SIN3A: variants seen among roughly 807,000 people sequenced by gnomAD.
SIN3A encodes the protein paired amphipathic helix protein Sin3a.
In SIN3A, 14 loss-of-function variants were observed where a neutral mutation model predicts 146.1. The ratio of observed to expected loss-of-function variants is 0.10; its 90% CI spans 0.06 to 0.15. The LOEUF is 0.15. Ranked by LOEUF, SIN3A falls within the 10% of genes least tolerant of loss-of-function variation. The pLI is 1.00. For synonymous variants in SIN3A, 572 were observed against 572.0 expected (o/e 1.00, Z 0.00); for missense variants, 1,028 against 1,576.0 (o/e 0.65, Z 5.89).
intron 1 of SIN3A, among the ~76,000 whole-genome samples, chr15:75,445,289 G>A (rs1200218982): frequency 6.0e-5 from 9 of 148,850 alleles, no homozygotes; most frequent in Admixed American, 1.4e-4. Flanking sequence ...GCTGAGACAG[G>A]AGAACTGCTT....
intron 2 of SIN3A, among the ~76,000 whole-genome samples, chr15:75,429,602 T>G (rs775540888): frequency 1.3e-5 from 2 of 152,210 alleles, no homozygotes; most frequent in Non-Finnish European, 2.9e-5. Flanking sequence ...TGATTTAAAT[T>G]CTGGCACAAG....
chr15:75,392,623 G>A lies in SIN3A; in HGVS notation c.2470C>T (p.Leu824Phe). 1 of 1,614,146 alleles carries A rather than the reference G, an allele frequency of 6.2e-7. No homozygotes were observed. The highest frequency in any genetic ancestry group is 1.1e-5 in the South Asian group (1 of 91,086). The change falls in exon 15 of 21, where the codon CTC (leucine) becomes TTC (phenylalanine). Residue 824 changes from leucine (L) to phenylalanine (F), a missense_variant. Physicochemically the swap from Leu to Phe is conservative, Grantham distance 22. Coordinates refer to ENST00000394947, the MANE Select transcript of SIN3A (RefSeq NM_001145358.2). ...GAGAGATCACCTCTTTGGGCAAAGA[G>A]CAAATCTGGAATAAAATGATGCATG... is the stretch of plus-strand genomic sequence containing the variant. ...QIMHHFIPDL[L>F]FAQRGDLSDV...
chr15:75,437,632 C>CA (rs1423132693), intron 1 of SIN3A, among the ~76,000 whole-genome samples: 1 of 152,120 alleles, frequency 6.6e-6, no homozygotes, highest in Non-Finnish European at 1.5e-5. Context: ...CAGAGGGGTA[C>CA]AGTGTAATTC....
intron 8 of SIN3A, among the ~76,000 whole-genome samples, chr15:75,407,819 G>A (rs1290588838): frequency 1.4e-5 from 2 of 144,814 alleles, no homozygotes; most frequent in East Asian, 2.1e-4. Flanking sequence ...CTTGAACCCA[G>A]GAGGTGGAGG....
chr15:75,380,680 G>A lies in SIN3A; in HGVS notation c.3332C>T (p.Thr1111Ile), dbSNP rs2072947643. The change falls in exon 19 of 21, where the codon ACC becomes ATC. Residue 1111 changes from threonine to isoleucine, a missense_variant. By Grantham distance (89) the Thr-to-Ile change is moderately conservative. Coordinates refer to ENST00000394947, the MANE Select transcript of SIN3A (RefSeq NM_001145358.2). ...YVERYMNSDT[T>I]SPELREHLAQ... Reference sequence around the variant, plus strand: ...TAGATGTTCACGAAGCTCAGGCGAGGTAGTATCTGAATTCATGTATCGCTC... The same window carrying A: ...TAGATGTTCACGAAGCTCAGGCGAGATAGTATCTGAATTCATGTATCGCTC... 6.2e-7 allele frequency: 1 copy of A among 1,614,066 alleles called. No homozygotes were observed. The highest frequency in any genetic ancestry group is 8.5e-7 in the Non-Finnish European group (1 of 1,179,968).
rs2072972085 is a variant in SIN3A at position 75,381,617 on chromosome 15, G to A, written c.3284C>T (p.Ala1095Val). ...EEENSDDPVE[A>V]ERWSDYVERY... The stretch of plus-strand genomic sequence containing the variant: ...CTGTGATGTACTTGCTCATACCTCT[G>A]CTTCCACAGGGTCATCCGAATTCTC... The change falls in exon 18 of 21, where the codon GCA becomes GTA. Residue 1095 changes from alanine (A) to valine (V), a missense_variant. By Grantham distance (64) the Ala-to-Val change is moderately conservative. Transcript: ENST00000394947. 1 of 1,612,698 alleles carries A rather than the reference G, an allele frequency of 6.2e-7. No homozygotes were observed. Among genetic ancestry groups the A allele is most frequent in the Non-Finnish European group, 8.5e-7 (1 of 1,178,996 alleles).
intron 2 of SIN3A, among the ~76,000 whole-genome samples, chr15:75,427,191 G>A (rs957276491): frequency 4.0e-5 from 6 of 151,218 alleles, no homozygotes; most frequent in African/African-American, 1.5e-4. Context: ...TGCCCAACAT[G>A]GCAAAACCCT....
chr15:75,406,503 C>G (rs912981408), intron 9 of SIN3A, among the ~76,000 whole-genome samples: 1 of 152,128 alleles, frequency 6.6e-6, no homozygotes, highest in South Asian at 2.1e-4. Context: ...CTGGCTAACA[C>G]GGTGAAACCC....
At chr15:75,388,793 G>T in intron 16 of SIN3A, 1 of 153,330 alleles carries the variant, frequency 6.5e-6, no homozygotes, top group East Asian at 1.8e-4. Context: ...AAGGGCCAAG[G>T]GAGCCACAGA....
chr15:75,443,736 T>A (rs576257053), intron 1 of SIN3A: 2 of 152,108 alleles, frequency 1.3e-5, no homozygotes, highest in East Asian at 3.9e-4. Flanking sequence ...AAAAAGTTGC[T>A]GTAAGTTTTG....
intron 10 of SIN3A, among the ~76,000 whole-genome samples, chr15:75,401,308 A>T (rs2073406972): frequency 6.6e-6 from 1 of 152,154 alleles, no homozygotes; most frequent in African/African-American, 2.4e-5. Context: ...CAGGTGGATT[A>T]CCTGAGGTCA....
intron 3 of SIN3A, among the ~76,000 whole-genome samples, chr15:75,417,383 T>C (rs1279718994): frequency 6.6e-6 from 1 of 152,000 alleles, no homozygotes; most frequent in Non-Finnish European, 1.5e-5. Context: ...TTTTTCTTTT[T>C]TTTTTTTTTG....
intron 12 of SIN3A, 30 bp from the exon 13 acceptor site, chr15:75,396,526 C>A (rs748120341): frequency 4.0e-6 from 6 of 1,488,386 alleles, no homozygotes; most frequent in South Asian, 1.2e-5. Flanking sequence ...AGGGTATGCT[C>A]AGGACCCAAA....
chr15:75,424,306 T>A (rs532704863), intron 2 of SIN3A, among the ~76,000 whole-genome samples: 1 of 151,568 alleles, frequency 6.6e-6, no homozygotes, highest in East Asian at 2.0e-4. Flanking sequence ...TGGTGGCGCA[T>A]GCCTGTAATC....
intron 1 of SIN3A, among the ~76,000 whole-genome samples, chr15:75,440,726 T>A (rs1018117209): frequency 1.3e-5 from 2 of 151,512 alleles, no homozygotes; most frequent in African/African-American, 2.4e-5. Context: ...CTCATGCCTG[T>A]AATCCCAGCA....
chr15:75,404,390 T>C (rs1235280529), intron 9 of SIN3A, among the ~76,000 whole-genome samples: 3 of 152,354 alleles, frequency 2.0e-5, no homozygotes, highest in Middle Eastern at 3.4e-3. Context: ...TTACTTCTCC[T>C]ACCACTGCAT....
chr15:75,386,580 T>G (rs1355221085), intron 16 of SIN3A, among the ~76,000 whole-genome samples: 1 of 151,948 alleles, frequency 6.6e-6, no homozygotes, highest in Non-Finnish European at 1.5e-5. Context: ...GGACCAGGGG[T>G]ACTGGGAGGG....
chr15:75,430,106 A>G (rs750094467), intron 2 of SIN3A, 81 bp downstream of exon 2: 15 of 1,015,070 alleles, frequency 1.5e-5, no homozygotes, highest in African/African-American at 8.0e-5. Flanking sequence ...TATCTAACAC[A>G]GTATTAAAAA....
intron 1 of SIN3A, among the ~76,000 whole-genome samples, chr15:75,432,191 A>T (rs1379668982): frequency 6.6e-6 from 1 of 152,184 alleles, no homozygotes; most frequent in Non-Finnish European, 1.5e-5. Flanking sequence ...TATGCATGTT[A>T]TTTGCCACTA....
Sources: gnomAD v4.1 joint callset for allele counts (sites outside exome capture counted in the v4.1 genomes callset) on GRCh38, gnomAD v4.1.1 for gene constraint, MANE v1.5 for transcripts, NCBI Gene and HGNC (gene_info 2026-07-23, HGNC 2026-07-21) for gene names.